CCSER2: variants seen among roughly 807,000 people sequenced by gnomAD.
CCSER2 encodes serine-rich coiled-coil domain-containing protein 2.
Under a neutral mutation model 92.3 loss-of-function variants are expected in CCSER2, and 46 were observed. The observed-to-expected ratio is 0.50, with a 90% CI of 0.39 to 0.64. The LOEUF is 0.64. Among genes scored for constraint, CCSER2 ranks in the 30% least tolerant of loss-of-function variants. The pLI, the probability that CCSER2 is intolerant of heterozygous loss-of-function variation, is 0.00. For synonymous variants in CCSER2, 433 were observed against 431.4 expected (o/e 1.00, Z -0.04); for missense variants, 1,244 against 1,238.9 (o/e 1.00, Z -0.06).
intron 3 of CCSER2, chr10:84,391,513 G>A: frequency 1.3e-6 from 2 of 1,519,466 alleles, no homozygotes; most frequent in Non-Finnish European, 9.1e-7. Flanking sequence ...TGCCAATACT[G>A]GGAATCAACC....
rs1488207879 is a variant in CCSER2, at chr10:84,373,760, C to G, written c.1559C>G (p.Pro520Arg). The G allele has an allele frequency of 1.2e-6, 2 of 1,613,610 alleles. No individual in the cohort carries two copies. Among genetic ancestry groups the G allele is most frequent in the Non-Finnish European group, 8.5e-7 (1 of 1,179,738 alleles). The change falls in exon 3 of 10, where the codon CCC becomes CGC. Residue 520 changes from proline (P) to arginine (R), a missense_variant. Pro to Arg is a moderately radical substitution (Grantham distance 103, BLOSUM62 -2). Coordinates refer to ENST00000372088, the MANE Select transcript of CCSER2 (RefSeq NM_001284240.2). ...ATGTGGGATGAAGAAGGCTTGGAACCCATTGGAAATGTCCATCCAGTTGGG... is the reference window on the plus strand; with the variant it reads ...ATGTGGGATGAAGAAGGCTTGGAACGCATTGGAAATGTCCATCCAGTTGGG... The part of the protein sequence containing the change: ...TYMWDEEGLE[P>R]IGNVHPVGSY...
At chr10:84,398,860 T>C (rs1841975555) in intron 3 of CCSER2, among the ~76,000 whole-genome samples, 1 of 152,338 alleles carries the variant, frequency 6.6e-6, no homozygotes, top group East Asian at 1.9e-4. Context: ...AGCCTTGTTC[T>C]GTTTTCTTGG....
At chr10:84,364,108 G>A (rs1351679183) in intron 1 of CCSER2, among the ~76,000 whole-genome samples, 1 of 152,152 alleles carries the variant, frequency 6.6e-6, no homozygotes, top group African/African-American at 2.4e-5. Flanking sequence ...ACCAGTATGG[G>A]GCACTTGAAT....
chr10:84,495,653 A>G (rs1314366967), intron 9 of CCSER2, among the ~76,000 whole-genome samples: 1 of 152,002 alleles, frequency 6.6e-6, no homozygotes, highest in Non-Finnish European at 1.5e-5. Flanking sequence ...TGCTGTTAGG[A>G]TCACTGTGTC....
At chr10:84,414,093 A>C (rs1373744656) in intron 3 of CCSER2, among the ~76,000 whole-genome samples, 1 of 152,110 alleles carries the variant, frequency 6.6e-6, no homozygotes, top group South Asian at 2.1e-4. Context: ...ATCTTGGCTA[A>C]TTATTTAGCT....
At chr10:84,418,342 T>C (rs1842977018) in intron 4 of CCSER2, among the ~76,000 whole-genome samples, 2 of 152,214 alleles carry the variant, frequency 1.3e-5, no homozygotes, top group Admixed American at 1.3e-4. Flanking sequence ...TAGAGCCAAG[T>C]AACTGCTGGG....
intron 3 of CCSER2, among the ~76,000 whole-genome samples, chr10:84,399,403 G>A (rs904648940): frequency 6.6e-6 from 1 of 152,086 alleles, no homozygotes; most frequent in Non-Finnish European, 1.5e-5. Flanking sequence ...TGGTGTATGT[G>A]TATTTCCCAC....
chr10:84,458,900 A>G (rs1242337065), intron 6 of CCSER2, among the ~76,000 whole-genome samples: 1 of 152,060 alleles, frequency 6.6e-6, no homozygotes, highest in Non-Finnish European at 1.5e-5. Flanking sequence ...TTTATCATAA[A>G]TGGTAGTTTT....
intron 8 of CCSER2, among the ~76,000 whole-genome samples, chr10:84,471,359 G>A (rs890312002): frequency 6.6e-6 from 1 of 152,044 alleles, no homozygotes; most frequent in Non-Finnish European, 1.5e-5. Context: ...ATAAGGCCTA[G>A]TGTTTGTGTT....
chr10:84,385,049 A>G (rs929108731), intron 3 of CCSER2, among the ~76,000 whole-genome samples: 2 of 151,204 alleles, frequency 1.3e-5, no homozygotes, highest in Non-Finnish European at 2.9e-5. Flanking sequence ...GAATACATTT[A>G]ACCAAGGAGG....
At chr10:84,333,975 AAAT>A (rs1843705816) in intron 1 of CCSER2, among the ~76,000 whole-genome samples, 1 of 152,220 alleles carries the variant, frequency 6.6e-6, no homozygotes, top group African/African-American at 2.4e-5. Flanking sequence ...ATATAGGATG[AAAT>A]AATACAGAAA....
At chr10:84,439,155 G>C (rs1223806671) in intron 6 of CCSER2, among the ~76,000 whole-genome samples, 1 of 150,196 alleles carries the variant, frequency 6.7e-6, no homozygotes, top group Non-Finnish European at 1.5e-5. Flanking sequence ...GTTTTTGTTT[G>C]GGATCTTCAA....
At chr10:84,347,504 G>A (rs184981160) in intron 1 of CCSER2, among the ~76,000 whole-genome samples, 1 of 150,038 alleles carries the variant, frequency 6.7e-6, no homozygotes, top group African/African-American at 2.5e-5. Context: ...CCGGGTGGGG[G>A]CTGACCCCCC....
chr10:84,448,035 T>C (rs1845036718), intron 6 of CCSER2, among the ~76,000 whole-genome samples: 1 of 152,170 alleles, frequency 6.6e-6, no homozygotes, highest in African/African-American at 2.4e-5. Flanking sequence ...TTTCTCATAC[T>C]ACTCCAGCTC....
intron 1 of CCSER2, among the ~76,000 whole-genome samples, chr10:84,335,624 T>C (rs1054535455): frequency 2.6e-5 from 4 of 152,106 alleles, no homozygotes; most frequent in East Asian, 3.8e-4. Flanking sequence ...ACTGCCCCCA[T>C]GTCAAGATTG....
At chr10:84,355,823 C>G (rs71487103) in intron 1 of CCSER2, among the ~76,000 whole-genome samples, 8,864 of 152,228 alleles carry the variant, frequency 0.058, 369 homozygotes, top group Admixed American at 0.1. Flanking sequence ...AGTGTTGTGG[C>G]TGGGCACTGT....
chr10:84,377,200 A>G (rs1846385517), intron 3 of CCSER2, among the ~76,000 whole-genome samples: 2 of 152,228 alleles, frequency 1.3e-5, no homozygotes, highest in South Asian at 2.1e-4. Flanking sequence ...GATATTGTCC[A>G]GTTTTACAAG....
At chr10:84,482,366 T>C (rs922455323) in intron 9 of CCSER2, among the ~76,000 whole-genome samples, 2 of 152,216 alleles carry the variant, frequency 1.3e-5, no homozygotes, top group Non-Finnish European at 2.9e-5. Flanking sequence ...TTGATATTAC[T>C]GTGAATACTG....
chr10:84,354,957 A>G (rs1845080587), intron 1 of CCSER2, among the ~76,000 whole-genome samples: 1 of 151,768 alleles, frequency 6.6e-6, no homozygotes, highest in Non-Finnish European at 1.5e-5. Context: ...TCATCCATTT[A>G]TTTGCTAAAT....
Sources: gnomAD v4.1 joint callset for allele counts (sites outside exome capture counted in the v4.1 genomes callset) on GRCh38, gnomAD v4.1.1 for gene constraint, MANE v1.5 for transcripts, NCBI Gene and HGNC (gene_info 2026-07-23, HGNC 2026-07-21) for gene names.